Variants in LBP observed in about 807,000 individuals in gnomAD.
LBP encodes lipopolysaccharide binding protein.
LBP carries 53 observed loss-of-function variants against 56.6 expected under a neutral mutation model. That is an observed-to-expected ratio of 0.94 (90% CI 0.75 to 1.18). The LOEUF (loss-of-function observed/expected upper bound fraction) is 1.18, where lower values mean the gene tolerates loss of function less well. Among genes scored for constraint, LBP ranks in the 50% most tolerant of loss-of-function variants. The pLI, the probability that LBP is intolerant of heterozygous loss-of-function variation, is 0.00. For synonymous variants in LBP, 227 were observed against 247.5 expected, an observed-to-expected ratio of 0.92 and a Z score of 0.78; for missense variants, 601 against 598.3, an observed-to-expected ratio of 1.00 and a Z score of -0.05.
At chr20:38,360,610 G>C (rs1351465044) in intron 5 of LBP, 94 bp from the exon 6 acceptor site, 6 of 779,364 alleles carry the variant, frequency 7.7e-6, no homozygotes, top group Non-Finnish European at 1.3e-5. Flanking sequence ...TGATCACTGA[G>C]CACATGTGTG....
chr20:38,364,858 T>C, intron 8 of LBP, 106 bp downstream of exon 8: 1 of 1,058,916 alleles, frequency 9.4e-7, no homozygotes, highest in South Asian at 1.6e-5. Context: ...GAGTTATAGC[T>C]AAGAGAAAAA....
rs562214717 is a variant in LBP, at chr20:38,367,562, A to G, written c.981+734A>G. Among the ~76,000 whole-genome samples the G allele has an allele frequency of 2.0e-5, 3 of 152,356 alleles. No individual in the cohort carries two copies. In the South Asian group the frequency reaches 6.2e-4, roughly 32 times the overall value. ...AGTGGAAAGTCTCACATCCACTCCT[A>G]TTCCCTAACCACCCAGTTCCCATCT... On this transcript the variant is annotated intron_variant, in intron 9 of 14. Transcript: ENST00000217407.
intron 14 of LBP, 22 bp from the exon 15 acceptor site, chr20:38,376,603 T>C: frequency 6.2e-7 from 1 of 1,610,468 alleles, no homozygotes; most frequent in East Asian, 2.2e-5. Context: ...TTTACCATCC[T>C]GTCCTGTCCT....
intron 6 of LBP, 29 bp from the exon 7 acceptor site, chr20:38,363,946 C>T (rs372486773): frequency 2.2e-5 from 33 of 1,525,050 alleles, no homozygotes; most frequent in African/African-American, 4.1e-5. Context: ...GTCATCTGGC[C>T]CCTAATTCTG....
At chr20:38,349,750 A>C in intron 2 of LBP, 88 bp downstream of exon 2, 1 of 983,498 alleles carries the variant, frequency 1.0e-6, no homozygotes. Context: ...GAGCCTCAGG[A>C]TTGGGCTGTG....
At chr20:38,359,460 T>G (rs960201081) in intron 5 of LBP, among the ~76,000 whole-genome samples, 3 of 152,110 alleles carry the variant, frequency 2.0e-5, no homozygotes, top group Non-Finnish European at 2.9e-5. Context: ...CACATGCCTG[T>G]AATCCCAGCT....
intron 3 of LBP, among the ~76,000 whole-genome samples, chr20:38,353,636 A>T (rs918143073): frequency 1.3e-5 from 2 of 151,848 alleles, no homozygotes; most frequent in Admixed American, 1.3e-4. Flanking sequence ...ACGAGGAGAG[A>T]TCTCACTGAT....
chr20:38,351,301 G>A (rs1250035732), intron 3 of LBP, among the ~76,000 whole-genome samples: 1 of 152,224 alleles, frequency 6.6e-6, no homozygotes, highest in Admixed American at 6.5e-5. Context: ...AGGGGAGTGG[G>A]GAAGTGAGGA....
chr20:38,350,173 A>T (rs758990574), intron 2 of LBP, among the ~76,000 whole-genome samples: 1 of 152,210 alleles, frequency 6.6e-6, no homozygotes, highest in Non-Finnish European at 1.5e-5. Flanking sequence ...TGGGCAGTGA[A>T]GAAACGACAA....
Position 38,346,548 on chromosome 20 carries a change from T to C in LBP, c.32T>C (p.Ile11Thr), listed in dbSNP as rs901657770. 2.4e-5 allele frequency: 39 copies of C among 1,613,688 alleles called. No individual in the cohort carries two copies. Among genetic ancestry groups the C allele is most frequent in the Non-Finnish European group, 3.3e-5 (39 of 1,180,000 alleles). The change falls in exon 1 of 15, where the codon ATA (isoleucine) becomes ACA (threonine). Residue 11 changes from isoleucine (I) to threonine (T), a missense_variant. Physicochemically the swap from Ile to Thr is moderately conservative, Grantham distance 89. Coordinates refer to ENST00000217407, the MANE Select transcript of LBP (RefSeq NM_004139.5). ...GCCTTGGCCAGAGCCCTGCCGTCCA[T>C]ACTGCTGGCATTGCTGCTTACGTCC... MGALARALPS[I>T]LLALLLTSTP...
chr20:38,365,726 ATATATATATATATATATATT>A (rs2076879546), intron 8 of LBP, among the ~76,000 whole-genome samples: 1 of 112,722 alleles, frequency 8.9e-6, no homozygotes, highest in Admixed American at 8.2e-5. Flanking sequence ...AAATATATAT[ATATATATATATATATATATT>A]TATATGTGAA....
chr20:38,373,072 G>T lies in LBP; in HGVS notation c.1261G>T (p.Ala421Ser), dbSNP rs773158982. ...LKESKVGLFN[A>S]ELLEALLNYY... The stretch of plus-strand genomic sequence containing the variant: ...ATATATCTCTCCTGTTCTCTTCCAG[G>T]CAGAGCTGTTGGAAGCGCTCCTCAA... Residue 421 changes from alanine to serine, a missense_variant and splice_region_variant, in exon 13 of 15, where the codon GCA becomes TCA. Coordinates refer to ENST00000217407, the MANE Select transcript of LBP (RefSeq NM_004139.5). 18 of 1,613,178 alleles carry T rather than the reference G, an allele frequency of 1.1e-5. No individual in the cohort carries two copies. In the South Asian group the frequency reaches 1.8e-4, roughly 16 times the overall value.
At chr20:38,371,558 A>G (rs1368623427) in intron 12 of LBP, among the ~76,000 whole-genome samples, 1 of 152,242 alleles carries the variant, frequency 6.6e-6, no homozygotes, top group African/African-American at 2.4e-5. Flanking sequence ...TAACTGCAAG[A>G]GACAGAAAGC....
chr20:38,365,383 G>A (rs776362469), intron 8 of LBP, among the ~76,000 whole-genome samples: 6 of 151,792 alleles, frequency 4.0e-5, no homozygotes, highest in Non-Finnish European at 5.9e-5. Flanking sequence ...GATGATTTCT[G>A]GAGGTTTATT....
Position 38,350,783 on chromosome 20 carries a change from A to G in LBP, c.240-28A>G, listed in dbSNP as rs761257030. 2.1e-5 allele frequency: 33 copies of G among 1,589,688 alleles called. No individual in the cohort carries two copies. The South Asian group carries it at 3.2e-4, about 16-fold the overall frequency. On this transcript the variant is annotated intron_variant, in intron 2 of 14. Coordinates refer to ENST00000217407, the MANE Select transcript of LBP (RefSeq NM_004139.5). ...GAGGCTGGGTCCAGGCCCAGGGCTG[A>G]CACCTCCTTCCATGTCTCTCCCTTC...
intron 13 of LBP, 70 bp downstream of exon 13, chr20:38,373,205 T>G (rs2076906764): frequency 1.5e-6 from 2 of 1,372,578 alleles, no homozygotes; most frequent in African/African-American, 2.9e-5. Context: ...GAGTTGGACT[T>G]GGAAAACAGG....
chr20:38,371,841 G>A (rs1217125434), intron 12 of LBP, among the ~76,000 whole-genome samples: 2 of 152,078 alleles, frequency 1.3e-5, no homozygotes, highest in African/African-American at 4.8e-5. Flanking sequence ...CAAAATCTCT[G>A]TGCTAGCTCT....
In LBP at chr20:38,347,119, C is replaced by T. The variant is rs79963914; in HGVS notation, c.124+479C>T. On this transcript the variant is annotated intron_variant, in intron 1 of 14. Coordinates refer to ENST00000217407, the MANE Select transcript of LBP (RefSeq NM_004139.5). ...CCTGAAGGGCATGAGGGAGGTCTGCCGGGGTGCTGGAAGTTGCCATATCTT... is the reference window on the plus strand; with the variant it reads ...CCTGAAGGGCATGAGGGAGGTCTGCTGGGGTGCTGGAAGTTGCCATATCTT... 3.7e-3 allele frequency among the ~76,000 whole-genome samples: 559 copies of T among 152,236 alleles called. 3 individuals are homozygous for T. Among genetic ancestry groups the T allele is most frequent in the Non-Finnish European group, 5.9e-3 (404 of 68,016 alleles).
intron 5 of LBP, 45 bp from the exon 6 acceptor site, chr20:38,360,659 A>C: frequency 8.7e-6 from 12 of 1,377,420 alleles, no homozygotes; most frequent in Admixed American, 1.7e-5. Context: ...GGGCCAGACC[A>C]GAGCTGGGGA....
Sources: gnomAD v4.1 joint callset for allele counts (sites outside exome capture counted in the v4.1 genomes callset) on GRCh38, gnomAD v4.1.1 for gene constraint, MANE v1.5 for transcripts, NCBI Gene and HGNC (gene_info 2026-07-23, HGNC 2026-07-21) for gene names.